Variants in MYO9A observed in about 807,000 individuals in gnomAD.
MYO9A encodes the protein unconventional myosin-IXa.
A neutral mutation model predicts 293.3 loss-of-function variants in MYO9A; 103 were observed. The ratio of observed to expected loss-of-function variants is 0.35; its 90% CI spans 0.30 to 0.41. The LOEUF is 0.41. Among genes scored for constraint, MYO9A ranks in the 10% least tolerant of loss-of-function variants. The pLI is 1.00. For missense variants in MYO9A, 2,685 were observed against 3,033.0 expected, an observed-to-expected ratio of 0.89 and a Z score of 2.69; for synonymous variants, 1,001 against 1,035.7, an observed-to-expected ratio of 0.97 and a Z score of 0.64.
chr15:71,925,382 C>T (rs2058284384), intron 18 of MYO9A, among the ~76,000 whole-genome samples: 1 of 149,986 alleles, frequency 6.7e-6, no homozygotes, highest in Non-Finnish European at 1.5e-5. Flanking sequence ...TACGTATATA[C>T]GTGTATATGG....
intron 34 of MYO9A, among the ~76,000 whole-genome samples, chr15:71,856,180 G>A (rs1385814828): frequency 6.6e-6 from 1 of 151,832 alleles, no homozygotes; most frequent in East Asian, 1.9e-4. Context: ...GCATAGTGGT[G>A]GGCACCTGTA....
intron 1 of MYO9A, among the ~76,000 whole-genome samples, chr15:72,060,260 T>C (rs552746426): frequency 6.6e-6 from 1 of 152,302 alleles, no homozygotes; most frequent in East Asian, 1.9e-4. Context: ...CTGTAAGATG[T>C]ACTGTATGTA....
chr15:72,040,450 G>A (rs1289318110), intron 2 of MYO9A, among the ~76,000 whole-genome samples: 1 of 152,126 alleles, frequency 6.6e-6, no homozygotes, highest in African/African-American at 2.4e-5. Context: ...GTGAAGACTT[G>A]GGATCAAATT....
chr15:71,993,581 A>G (rs1334880214), intron 10 of MYO9A: 2 of 152,184 alleles, frequency 1.3e-5, no homozygotes, highest in Non-Finnish European at 2.9e-5. Flanking sequence ...CAATGTGGGT[A>G]AAGGTGTAGG....
chr15:71,974,872 A>C (rs2076097707), intron 12 of MYO9A, among the ~76,000 whole-genome samples: 1 of 152,212 alleles, frequency 6.6e-6, no homozygotes, highest in Non-Finnish European at 1.5e-5. Context: ...GGCAATTCTT[A>C]ATGTGCCTTC....
intron 1 of MYO9A, among the ~76,000 whole-genome samples, chr15:72,100,646 G>A (rs1256935094): frequency 2.8e-4 from 43 of 151,362 alleles, no homozygotes; most frequent in Non-Finnish European, 5.6e-4. Flanking sequence ...CCTCTGCCCC[G>A]CCACGACCCC....
chr15:71,893,159 T>C, intron 26 of MYO9A: 1 of 1,282,486 alleles, frequency 7.8e-7, no homozygotes, highest in Non-Finnish European at 1.0e-6. Flanking sequence ...GCTTTCTTTT[T>C]ATGGGCCGGT....
intron 12 of MYO9A, among the ~76,000 whole-genome samples, chr15:71,972,942 G>C (rs562644820): frequency 6.6e-6 from 1 of 151,378 alleles, no homozygotes; most frequent in Non-Finnish European, 1.5e-5. Flanking sequence ...AAACTAATAA[G>C]AAAAAAAATG....
intron 18 of MYO9A, among the ~76,000 whole-genome samples, chr15:71,920,937 G>C (rs548398844): frequency 1.4e-4 from 21 of 152,210 alleles, no homozygotes; most frequent in African/African-American, 5.1e-4. Flanking sequence ...GTGAGACTTT[G>C]TCTCAAAAAA....
chr15:71,827,034 A>G lies in MYO9A; in HGVS notation c.7193T>C (p.Leu2398Ser), dbSNP rs1172715631. The change falls in exon 42 of 42, where the codon TTA (leucine) becomes TCA (serine). Residue 2398 changes from leucine to serine, a missense_variant. Physicochemically the swap from Leu to Ser is moderately radical, Grantham distance 145. Transcript: ENST00000356056. ...YAISEKSERS[L>S]ALSSLKTAGK... Reference sequence around the variant, plus strand: ...AGCTGTCTTCAGGGAGCTAAGGGCTAAGCTTCTTTCTAATGCAAAAAAGAG... The same window carrying G: ...AGCTGTCTTCAGGGAGCTAAGGGCTGAGCTTCTTTCTAATGCAAAAAAGAG... 1.9e-6 allele frequency: 3 copies of G among 1,571,410 alleles called. No individual in the cohort carries two copies. The South Asian group carries it at 3.6e-5, about 19-fold the overall frequency.
At chr15:71,870,530 A>G (rs1340970690) in intron 32 of MYO9A, among the ~76,000 whole-genome samples, 1 of 152,236 alleles carries the variant, frequency 6.6e-6, no homozygotes, top group African/African-American at 2.4e-5. Context: ...AAACACATCA[A>G]TGAATAAAAA....
At chr15:72,013,025 T>A (rs1359445267) in intron 6 of MYO9A, among the ~76,000 whole-genome samples, 1 of 152,180 alleles carries the variant, frequency 6.6e-6, no homozygotes, top group African/African-American at 2.4e-5. Context: ...GAAGAAAAAC[T>A]AAGGATAAAT....
At chr15:71,992,708 G>C (rs569925704) in intron 10 of MYO9A, among the ~76,000 whole-genome samples, 25 of 151,936 alleles carry the variant, frequency 1.6e-4, no homozygotes, top group Middle Eastern at 3.4e-3. Context: ...GTCCATGAAG[G>C]CTGCCCAGAA....
rs769915053 is a variant in MYO9A, at chr15:71,827,949, A to G, written c.7118T>C (p.Ile2373Thr). 29 of 1,613,760 alleles carry G rather than the reference A, an allele frequency of 1.8e-5. No individual in the cohort carries two copies. Among genetic ancestry groups the G allele is most frequent in the South Asian group, 6.6e-5 (6 of 91,054 alleles). ...ATTCTCTGAGCTATCAGCAGTCCCA[A>G]TGGAGGCCTCAGACTCAAGGGTTTC... ...DDETLESEASIGTADSSENLN... is the reference protein window; with the variant it reads ...DDETLESEASTGTADSSENLN... Residue 2373 changes from isoleucine to threonine, a missense_variant, in exon 41 of 42, where the codon ATT (isoleucine) becomes ACT (threonine). Ile to Thr is a moderately conservative substitution (Grantham distance 89). Coordinates refer to ENST00000356056, the MANE Select transcript of MYO9A (RefSeq NM_006901.4).
At chr15:72,088,231 C>G (rs189308412) in intron 1 of MYO9A, among the ~76,000 whole-genome samples, 1 of 152,326 alleles carries the variant, frequency 6.6e-6, no homozygotes, top group East Asian at 1.9e-4. Flanking sequence ...ATTAATACAA[C>G]TGTACAGCAG....
Position 71,952,021 on chromosome 15 carries a change from AAAT to A in MYO9A, c.2183-128_2183-126del, listed in dbSNP as rs1322736470. 4.9e-6 allele frequency: 5 copies of A among 1,028,524 alleles called. No individual in the cohort carries two copies. In the Admixed American group the frequency reaches 1.3e-4, roughly 27 times the overall value. The allele number at this position is 1,028,524 out of a possible 1,614,324, so 63.7% of individuals were successfully genotyped here. On this transcript the variant is annotated intron_variant, in intron 14 of 41. Coordinates refer to ENST00000356056, the MANE Select transcript of MYO9A (RefSeq NM_006901.4). ...ATTTAAGGGTGTATAAAAATGTATC[AAAT>A]AATAGAGGTTATATGTGAATGTCCA... is the stretch of plus-strand genomic sequence containing the variant.
chr15:72,041,758 G>A (rs2078232451), intron 2 of MYO9A: 1 of 154,182 alleles, frequency 6.5e-6, no homozygotes, highest in Admixed American at 6.5e-5. Flanking sequence ...AGAGCCGGTG[G>A]CAGCGGTGGC....
At chr15:72,025,416 A>G (rs1305555210) in intron 4 of MYO9A, among the ~76,000 whole-genome samples, 1 of 152,184 alleles carries the variant, frequency 6.6e-6, no homozygotes, top group African/African-American at 2.4e-5. Flanking sequence ...ACTGGAGTGC[A>G]GTGGCGAGAC....
intron 19 of MYO9A, among the ~76,000 whole-genome samples, chr15:71,910,282 G>T (rs1430681053): frequency 6.7e-6 from 1 of 149,270 alleles, no homozygotes; most frequent in Non-Finnish European, 1.5e-5. Flanking sequence ...CCCAACCAAG[G>T]GTAATTATTA....
Sources: gnomAD v4.1 joint callset for allele counts (sites outside exome capture counted in the v4.1 genomes callset) on GRCh38, gnomAD v4.1.1 for gene constraint, MANE v1.5 for transcripts, NCBI Gene and HGNC (gene_info 2026-07-23, HGNC 2026-07-21) for gene names.